The following PCDH11X variants were observed in gnomAD, a reference collection of about 807,000 sequenced individuals.
PCDH11X encodes protocadherin 11 X-linked.
A neutral mutation model predicts 53.3 loss-of-function variants in PCDH11X; 18 were observed. The ratio of observed to expected loss-of-function variants is 0.34; its 90% CI spans 0.23 to 0.50. The LOEUF is 0.50. PCDH11X is among the 20% of genes least tolerant of loss of function. The pLI is 0.98. For synonymous variants in PCDH11X, 279 were observed against 393.3 expected, an observed-to-expected ratio of 0.71 and a Z score of 3.44; for missense variants, 570 against 1,032.4, an observed-to-expected ratio of 0.55 and a Z score of 6.14.
intron 9 of PCDH11X, among the ~76,000 whole-genome samples, chrX:92,465,917 C>T (rs2148660313): frequency 9.0e-6 from 1 of 110,533 alleles, no homozygotes; most frequent in East Asian, 2.8e-4. Flanking sequence ...ATGTTAAAAA[C>T]TCAATTATAC....
chrX:91,918,778 T>A (rs1941652917), intron 6 of PCDH11X, among the ~76,000 whole-genome samples: 1 of 111,475 alleles, frequency 9.0e-6, no homozygotes, highest in South Asian at 3.7e-4. Flanking sequence ...TTTTTATGGG[T>A]TTGTGTGTGC....
intron 8 of PCDH11X, among the ~76,000 whole-genome samples, chrX:92,318,897 C>T (rs1603269637): frequency 9.0e-6 from 1 of 111,468 alleles, no homozygotes; most frequent in East Asian, 2.8e-4. Flanking sequence ...AGTCATTTAG[C>T]GATTTCACCA....
At chrX:92,109,823 G>C (rs1009068893) in intron 6 of PCDH11X, among the ~76,000 whole-genome samples, 2 of 112,323 alleles carry the variant, frequency 1.8e-5, no homozygotes, top group African/African-American at 6.5e-5. Context: ...TTTGGCCTAT[G>C]CCTAGGAATG....
At chrX:91,924,145 A>C (rs747586215) in intron 6 of PCDH11X, among the ~76,000 whole-genome samples, 1 of 109,482 alleles carries the variant, frequency 9.1e-6, no homozygotes, top group African/African-American at 3.3e-5. Flanking sequence ...TAGATAGGAA[A>C]GGACATGGAA....
intron 1 of PCDH11X, among the ~76,000 whole-genome samples, chrX:91,788,848 T>G (rs995536137): frequency 8.9e-6 from 1 of 111,898 alleles, no homozygotes; most frequent in Non-Finnish European, 1.9e-5. Flanking sequence ...TATGCAAGCT[T>G]TTTGAAACTG....
intron 8 of PCDH11X, among the ~76,000 whole-genome samples, chrX:92,274,941 T>C (rs1306172064): frequency 9.1e-6 from 1 of 110,094 alleles, no homozygotes; most frequent in African/African-American, 3.3e-5. Flanking sequence ...TCAGGAATAA[T>C]GTGGGAGGCC....
intron 6 of PCDH11X, among the ~76,000 whole-genome samples, chrX:91,940,925 T>C (rs2061501460): frequency 9.1e-6 from 1 of 110,164 alleles, no homozygotes; most frequent in African/African-American, 3.3e-5. Flanking sequence ...TATATACTAT[T>C]AGTAGTAAAG....
intron 5 of PCDH11X, among the ~76,000 whole-genome samples, chrX:91,863,629 C>A (rs1278497599): frequency 9.0e-6 from 1 of 111,272 alleles, no homozygotes; most frequent in Non-Finnish European, 1.9e-5. Context: ...CTTACTCCTG[C>A]CATTTTATTA....
chrX:92,259,154 C>T, intron 7 of PCDH11X, among the ~76,000 whole-genome samples: 1 of 110,987 alleles, frequency 9.0e-6, no homozygotes, highest in East Asian at 2.9e-4. Context: ...CTGCTGAGCC[C>T]TCCACAGTCT....
chrX:92,478,905 G>A (rs5984964), intron 10 of PCDH11X, among the ~76,000 whole-genome samples: 2,245 of 110,700 alleles, frequency 0.02, 52 homozygotes, highest in African/African-American at 0.069. Context: ...GGTCCAGTGC[G>A]GAGTTTAGTT....
In PCDH11X at chrX:92,118,727, CA is replaced by C. The variant is rs1286911985; in HGVS notation, c.3034-82647del. ...GCATATTATTGGTTTGGTTATAATGCAGTCTTTTTTTTTTTTTTTTTTTTTT... is the reference window on the plus strand; with the variant it reads ...GCATATTATTGGTTTGGTTATAATGCGTCTTTTTTTTTTTTTTTTTTTTTT... On this transcript the variant is annotated intron_variant, in intron 6 of 10. Transcript: ENST00000682573. Among the ~76,000 whole-genome samples, 153 of 89,192 alleles carry C rather than the reference CA, an allele frequency of 1.7e-3. 1 individual carries two copies. The highest frequency in any genetic ancestry group is 6.2e-3 in the African/African-American group (146 of 23,493). The allele number at this position is 89,192 out of a possible 115,157, so 77.5% of individuals were successfully genotyped here. A position where few individuals can be genotyped will look rare whatever the true frequency, so the allele number is the denominator to read the frequency against.
Position 92,460,341 on chromosome X carries a change from G to T in PCDH11X, c.3344-7958G>T, listed in dbSNP as rs750282911. On this transcript the variant is annotated intron_variant, in intron 9 of 10. Coordinates refer to ENST00000682573, the MANE Select transcript of PCDH11X (RefSeq NM_032968.5). ...AGGAAGTAAAAGGCCTACAAGCCCA[G>T]ATTGCCAGCTTTAGGTTGACCGTGG... 2.1e-4 allele frequency: 192 copies of T among 918,262 alleles called. No homozygotes were observed. In the African/African-American group the frequency reaches 3.5e-3, roughly 17 times the overall value. 75.7% of individuals were successfully genotyped at this position (918,262 alleles called of 1,213,427 possible). A position where few individuals can be genotyped will look rare whatever the true frequency, so the allele number is the denominator to read the frequency against.
chrX:92,220,559 G>A (rs2066846113), intron 7 of PCDH11X, among the ~76,000 whole-genome samples: 1 of 110,347 alleles, frequency 9.1e-6, no homozygotes, highest in African/African-American at 3.3e-5. Context: ...ACAGGTGCTG[G>A]AGAGGATGTG....
chrX:92,163,756 G>C (rs989742913), intron 6 of PCDH11X, among the ~76,000 whole-genome samples: 4 of 110,752 alleles, frequency 3.6e-5, no homozygotes, highest in Non-Finnish European at 5.7e-5. Flanking sequence ...TGGCTTTCTT[G>C]GTATATTTCT....
At chrX:91,920,182 T>C (rs1187855649) in intron 6 of PCDH11X, among the ~76,000 whole-genome samples, 4 of 111,638 alleles carry the variant, frequency 3.6e-5, no homozygotes, top group South Asian at 3.7e-4. Context: ...AACATTTAGA[T>C]TTTTTCTCCA....
At chrX:92,465,740 TG>T (rs1161622569) in intron 9 of PCDH11X, among the ~76,000 whole-genome samples, 1 of 111,521 alleles carries the variant, frequency 9.0e-6, no homozygotes, top group African/African-American at 3.3e-5. Flanking sequence ...TAGCATGTTT[TG>T]GTATTGTTCT....
intron 10 of PCDH11X, among the ~76,000 whole-genome samples, chrX:92,589,729 C>T (rs1242031006): frequency 9.1e-6 from 1 of 110,374 alleles, no homozygotes; most frequent in Admixed American, 9.6e-5. Flanking sequence ...AGCTAATCTA[C>T]CCCCCCATCT....
chrX:92,456,294 TA>T (rs2072906906), intron 9 of PCDH11X, among the ~76,000 whole-genome samples: 1 of 111,669 alleles, frequency 9.0e-6, no homozygotes, highest in African/African-American at 3.2e-5. Flanking sequence ...TTAGCAATAT[TA>T]ATATGCGTAT....
intron 10 of PCDH11X, among the ~76,000 whole-genome samples, chrX:92,548,361 G>A (rs189122677): frequency 9.0e-6 from 1 of 110,721 alleles, no homozygotes; most frequent in African/African-American, 3.3e-5. Context: ...TCTAGAGACA[G>A]GGTTTCACTA....
Sources: gnomAD v4.1 joint callset for allele counts (sites outside exome capture counted in the v4.1 genomes callset) on GRCh38, gnomAD v4.1.1 for gene constraint, MANE v1.5 for transcripts, NCBI Gene and HGNC (gene_info 2026-07-23, HGNC 2026-07-21) for gene names.